Variants in FAAH2 observed in about 807,000 individuals in gnomAD.
FAAH2 encodes the protein fatty-acid amide hydrolase 2.
A neutral mutation model predicts 36.9 loss-of-function variants in FAAH2; 60 were observed. The observed-to-expected ratio is 1.63, with a 90% CI of 1.32 to 2.02. The LOEUF is 2.02. Among genes scored for constraint, FAAH2 ranks in the 30% most tolerant of loss-of-function variants. FAAH2 has a pLI of 0.00. For synonymous variants in FAAH2, 214 were observed against 143.8 expected, an observed-to-expected ratio of 1.49 and a Z score of -3.49; for missense variants, 689 against 397.5, an observed-to-expected ratio of 1.73 and a Z score of -6.23.
chrX:57,338,074 C>T (rs1018311668), intron 4 of FAAH2, among the ~76,000 whole-genome samples: 2 of 111,901 alleles, frequency 1.8e-5, no homozygotes, highest in Admixed American at 9.5e-5. Flanking sequence ...TCATGAACGT[C>T]CGTGTGAAGA....
chrX:57,483,526 G>A (rs2057417652), intron 10 of FAAH2, among the ~76,000 whole-genome samples: 1 of 110,659 alleles, frequency 9.0e-6, no homozygotes, highest in Non-Finnish European at 1.9e-5. Context: ...TTTCCATTTT[G>A]GTTAAGGTCC....
chrX:57,458,949 G>A (rs191444596), intron 10 of FAAH2, among the ~76,000 whole-genome samples: 135 of 111,829 alleles, frequency 1.2e-3, no homozygotes, highest in East Asian at 8.3e-3. Context: ...TCCCAGTGGC[G>A]CCTGGAACTC....
At chrX:57,232,959 AC>A in the FAAH2 span, among the ~76,000 whole-genome samples, 3 of 112,442 alleles carry the variant, frequency 2.7e-5, no homozygotes, top group Admixed American at 2.8e-4. Context: ...AAGTTAATAA[AC>A]AAAAACATCA....
At chrX:57,147,683 T>C in the FAAH2 span, among the ~76,000 whole-genome samples, 1 of 112,057 alleles carries the variant, frequency 8.9e-6, no homozygotes, top group African/African-American at 3.2e-5. Flanking sequence ...TTCACACTTT[T>C]TGACGTAGGT....
At chrX:57,160,482 G>C in the FAAH2 span, among the ~76,000 whole-genome samples, 2 of 111,209 alleles carry the variant, frequency 1.8e-5, no homozygotes, top group African/African-American at 6.5e-5. Flanking sequence ...GACATTTTTT[G>C]GTTTGTAAGC....
At chrX:57,382,783 T>C (rs955167866) in intron 7 of FAAH2, among the ~76,000 whole-genome samples, 23 of 110,953 alleles carry the variant, frequency 2.1e-4, no homozygotes, top group African/African-American at 7.5e-4. Flanking sequence ...CTGAAACTAT[T>C]CCAATCAATA....
chrX:57,285,849 A>G (rs1169982119), upstream of FAAH2, among the ~76,000 whole-genome samples: 1 of 112,094 alleles, frequency 8.9e-6, no homozygotes, highest in African/African-American at 3.2e-5. Flanking sequence ...TCAGATTTAC[A>G]TATTAGAAAG....
At chrX:57,409,806 C>T (rs1180730437) in intron 7 of FAAH2, among the ~76,000 whole-genome samples, 2 of 109,214 alleles carry the variant, frequency 1.8e-5, no homozygotes, top group Non-Finnish European at 3.8e-5. Context: ...CTTAGGTAGT[C>T]CAGCTAATGT....
the FAAH2 span, among the ~76,000 whole-genome samples, chrX:57,256,628 G>A: frequency 9.0e-6 from 1 of 111,666 alleles, no homozygotes; most frequent in Non-Finnish European, 1.9e-5. Context: ...TCAGGACATA[G>A]GCATGGGAAA....
chrX:57,419,357 C>G (rs1338059162), intron 7 of FAAH2, among the ~76,000 whole-genome samples: 1 of 111,061 alleles, frequency 9.0e-6, no homozygotes, highest in East Asian at 2.8e-4. Context: ...GTTCCTATTT[C>G]TCCACATCCT....
chrX:57,182,969 T>C, the FAAH2 span, among the ~76,000 whole-genome samples: 121 of 110,563 alleles, frequency 1.1e-3, no homozygotes, highest in Non-Finnish European at 1.9e-3. Flanking sequence ...CATGTTCCCA[T>C]TTGTAAGTGG....
chrX:57,481,579 C>T (rs2057380447), intron 10 of FAAH2, among the ~76,000 whole-genome samples: 1 of 112,098 alleles, frequency 8.9e-6, no homozygotes, highest in South Asian at 3.7e-4. Flanking sequence ...GGCTGTAGAA[C>T]AGCAAATATT....
chrX:57,277,661 T>C, the FAAH2 span, among the ~76,000 whole-genome samples: 1 of 112,033 alleles, frequency 8.9e-6, no homozygotes, highest in South Asian at 3.7e-4. Context: ...TATGATTGTA[T>C]ATTTAGAAAA....
chrX:57,403,214 CAT>C (rs1240772788), intron 7 of FAAH2, among the ~76,000 whole-genome samples: 1 of 112,198 alleles, frequency 8.9e-6, no homozygotes, highest in Non-Finnish European at 1.9e-5. Context: ...AACAAACAAA[CAT>C]AGGGACGCCA....
intron 7 of FAAH2, among the ~76,000 whole-genome samples, chrX:57,384,852 T>G (rs753739342): frequency 1.8e-5 from 2 of 111,009 alleles, no homozygotes; most frequent in African/African-American, 6.5e-5. Context: ...CACATGCTAT[T>G]CACAATAGCA....
the FAAH2 span, among the ~76,000 whole-genome samples, chrX:57,130,566 T>C: frequency 8.9e-6 from 1 of 112,295 alleles, no homozygotes; most frequent in African/African-American, 3.2e-5. Flanking sequence ...TTTTAAAGTT[T>C]AGTGATTTTT....
the FAAH2 span, among the ~76,000 whole-genome samples, chrX:57,200,348 A>G: frequency 9.2e-6 from 1 of 108,682 alleles, no homozygotes; most frequent in Non-Finnish European, 1.9e-5. Flanking sequence ...AAAAAATAAT[A>G]AAGACTCTGC....
intron 10 of FAAH2, among the ~76,000 whole-genome samples, chrX:57,456,182 C>T (rs938780066): frequency 8.9e-6 from 1 of 111,819 alleles, no homozygotes; most frequent in Admixed American, 9.5e-5. Flanking sequence ...AATTAAACAA[C>T]TTTCTCCTGA....
chrX:57,394,023 T>C, intron 7 of FAAH2: 3 of 756,461 alleles, frequency 4.0e-6, no homozygotes, highest in Non-Finnish European at 6.2e-6. Context: ...TGAGTAAAGG[T>C]AGCCTTGTCT....
Sources: gnomAD v4.1 joint callset for allele counts (sites outside exome capture counted in the v4.1 genomes callset) on GRCh38, gnomAD v4.1.1 for gene constraint, MANE v1.5 for transcripts, NCBI Gene and HGNC (gene_info 2026-07-23, HGNC 2026-07-21) for gene names.